The following LPAR1 variants were observed in gnomAD, a reference collection of about 807,000 sequenced individuals.
LPAR1 encodes LPA receptor 1.
LPAR1 carries 5 observed loss-of-function variants against 23.8 expected under a neutral mutation model. The ratio of observed to expected loss-of-function variants is 0.21; its 90% confidence interval spans 0.11 to 0.44. The LOEUF is 0.44. Ranked by LOEUF, LPAR1 falls within the 20% of genes least tolerant of loss-of-function variation. LPAR1 has a pLI of 0.99. For missense variants in LPAR1, 311 were observed against 482.8 expected (o/e 0.64, Z 3.33); for synonymous variants, 160 against 164.7 (o/e 0.97, Z 0.22).
At chr9:110,924,339 A>G (rs768284722) in intron 5 of LPAR1, among the ~76,000 whole-genome samples, 15 of 152,122 alleles carry the variant, frequency 9.9e-5, no homozygotes, top group Non-Finnish European at 1.9e-4. Context: ...AGATTACTTA[A>G]TGGCATAATA....
At chr9:110,904,023 T>A (rs1305873625) in intron 5 of LPAR1, among the ~76,000 whole-genome samples, 1 of 151,964 alleles carries the variant, frequency 6.6e-6, no homozygotes, top group Non-Finnish European at 1.5e-5. Context: ...ATTTTCCAAG[T>A]GCTGAAAACA....
chr9:110,978,960 C>A (rs567472353), intron 2 of LPAR1, among the ~76,000 whole-genome samples: 2 of 151,934 alleles, frequency 1.3e-5, no homozygotes, highest in African/African-American at 4.8e-5. Flanking sequence ...TCAAAGGATA[C>A]ATATTTACAG....
chr9:111,029,557 G>T (rs2097759815), intron 2 of LPAR1, among the ~76,000 whole-genome samples: 1 of 151,898 alleles, frequency 6.6e-6, no homozygotes, highest in African/African-American at 2.4e-5. Flanking sequence ...ATTGAGGCTG[G>T]CATCCTGCTG....
chr9:111,021,548 A>C (rs990877241), intron 2 of LPAR1, among the ~76,000 whole-genome samples: 3 of 152,242 alleles, frequency 2.0e-5, no homozygotes, highest in African/African-American at 7.2e-5. Context: ...ATATTTCTCC[A>C]AAGCAAGCAT....
intron 4 of LPAR1, among the ~76,000 whole-genome samples, chr9:110,945,871 T>G (rs1044618473): frequency 7.2e-5 from 11 of 152,160 alleles, no homozygotes; most frequent in Non-Finnish European, 1.3e-4. Context: ...TTTCTCACTC[T>G]ACCACATTTG....
At chr9:110,931,256 G>A in intron 5 of LPAR1, among the ~76,000 whole-genome samples, 1 of 152,126 alleles carries the variant, frequency 6.6e-6, no homozygotes, top group East Asian at 1.9e-4. Context: ...GTGAAATACA[G>A]CATTCACATA....
chr9:110,991,584 T>C (rs1210351798), intron 2 of LPAR1, among the ~76,000 whole-genome samples: 1 of 136,160 alleles, frequency 7.3e-6, no homozygotes, highest in African/African-American at 3.6e-5. Flanking sequence ...TTTGTTTTGT[T>C]GTTGTTGTTG....
intron 4 of LPAR1, among the ~76,000 whole-genome samples, chr9:110,960,636 AT>A (rs1161841171): frequency 2.0e-5 from 3 of 152,052 alleles, no homozygotes; most frequent in Non-Finnish European, 4.4e-5. Context: ...ATTTTGCTTA[AT>A]TTTTTTTAAA....
At chr9:110,935,858 C>T (rs754511664) in intron 5 of LPAR1, among the ~76,000 whole-genome samples, 6 of 152,224 alleles carry the variant, frequency 3.9e-5, no homozygotes, top group Non-Finnish European at 8.8e-5. Flanking sequence ...CCAACTCCCA[C>T]AGACAGAAGC....
intron 4 of LPAR1, among the ~76,000 whole-genome samples, chr9:110,970,297 C>G (rs911313689): frequency 2.0e-5 from 3 of 152,144 alleles, no homozygotes; most frequent in Non-Finnish European, 2.9e-5. Flanking sequence ...TACATGGGAA[C>G]AGCTGCAGTG....
At chr9:110,912,386 T>C (rs1268134650) in intron 5 of LPAR1, among the ~76,000 whole-genome samples, 1 of 152,170 alleles carries the variant, frequency 6.6e-6, no homozygotes, top group Non-Finnish European at 1.5e-5. Context: ...GACCCAGAGA[T>C]AGAATACAAA....
chr9:110,923,985 T>C (rs2093821981), intron 5 of LPAR1, among the ~76,000 whole-genome samples: 1 of 152,208 alleles, frequency 6.6e-6, no homozygotes, highest in African/African-American at 2.4e-5. Context: ...GGTTTCTAAA[T>C]CCTTAAAAAG....
intron 2 of LPAR1, among the ~76,000 whole-genome samples, chr9:111,028,996 T>C (rs375925171): frequency 1.6e-4 from 25 of 152,320 alleles, no homozygotes; most frequent in Middle Eastern, 3.4e-3. Flanking sequence ...CACCATTTCC[T>C]TCCTATCTCC....
chr9:111,031,393 T>TAAAA (rs56906013), intron 2 of LPAR1, among the ~76,000 whole-genome samples: 1 of 103,722 alleles, frequency 9.6e-6, no homozygotes, highest in African/African-American at 3.7e-5. Context: ...CCCATTTCTT[T>TAAAA]AAAAAAAAAA....
chr9:110,879,457 G>T lies in LPAR1; in HGVS notation c.794-3735C>A, dbSNP rs564030613. On this transcript the variant is annotated intron_variant, in intron 5 of 5. Coordinates refer to ENST00000683809, the MANE Select transcript of LPAR1 (RefSeq NM_001351411.2). ...AAAAAAAAAAGGATGAAGAAGTGTG[G>T]TTATTTATTGTAACATCAGAAACAG... is the stretch of plus-strand genomic sequence containing the variant. Among the ~76,000 whole-genome samples the T allele has an allele frequency of 1.4e-3, 207 of 149,614 alleles. 4 individuals carry two copies. The highest frequency in any genetic ancestry group is 4.9e-3 in the African/African-American group (200 of 40,870).
intron 5 of LPAR1, among the ~76,000 whole-genome samples, chr9:110,908,297 TTAA>T (rs1315155255): frequency 8.0e-5 from 12 of 149,312 alleles, no homozygotes; most frequent in African/African-American, 2.7e-4. Context: ...TCATTAATGC[TTAA>T]TAAACTATTA....
chr9:110,969,168 A>AT (rs765036316), intron 4 of LPAR1, among the ~76,000 whole-genome samples: 2 of 152,026 alleles, frequency 1.3e-5, no homozygotes, highest in Admixed American at 6.6e-5. Context: ...CTCTGGAGGG[A>AT]TTTTTTTCAT....
chr9:110,929,020 C>T (rs1418549049), intron 5 of LPAR1, among the ~76,000 whole-genome samples: 6 of 152,222 alleles, frequency 3.9e-5, no homozygotes, highest in Non-Finnish European at 5.9e-5. Flanking sequence ...ACTTAAAATG[C>T]AGTGTTCTTT....
chr9:110,960,550 T>C (rs931560463), intron 4 of LPAR1, among the ~76,000 whole-genome samples: 1 of 152,138 alleles, frequency 6.6e-6, no homozygotes, highest in African/African-American at 2.4e-5. Flanking sequence ...CTTGAAGAAA[T>C]TACATCGAAA....
Sources: allele counts gnomAD v4.1 joint callset (sites outside exome capture counted in the v4.1 genomes callset), GRCh38; gene constraint gnomAD v4.1.1; transcripts MANE v1.5; gene names NCBI Gene and HGNC (gene_info 2026-07-23, HGNC 2026-07-21).